SCNN1D: variants seen among roughly 807,000 people sequenced by gnomAD.
SCNN1D encodes epithelial sodium channel subunit delta.
In SCNN1D, 104 loss-of-function variants were observed where a neutral mutation model predicts 87.8. The ratio of observed to expected loss-of-function variants is 1.18; its 90% CI spans 1.01 to 1.39. The LOEUF (loss-of-function observed/expected upper bound fraction) is 1.39, where lower values mean the gene tolerates loss of function less well. Ranked by LOEUF, SCNN1D falls within the 40% of genes most tolerant of loss-of-function variation. SCNN1D has a pLI of 0.00. For missense variants in SCNN1D, 1,324 were observed against 1,093.9 expected (o/e 1.21, Z -2.97); for synonymous variants, 628 against 481.2 (o/e 1.31, Z -3.99).
At position 1,283,988 on chromosome 1, in the gene SCNN1D, G is replaced by A. The variant is rs980187583; in HGVS notation, c.362G>A (p.Gly121Asp). The A allele has an allele frequency of 2.1e-5, 31 of 1,453,734 alleles. No individual in the cohort carries two copies. Among genetic ancestry groups the A allele is most frequent in the Non-Finnish European group, 2.8e-5 (31 of 1,107,060 alleles). 90.1% of individuals were successfully genotyped at this position (1,453,734 alleles called of 1,614,324 possible). ...GCCTGTTTTAAATAGGAGGCCAGAG[G>A]CTCCATCCTGCTTCAGAGCTGCCAG... ...ASFQSRQEAR[G>D]SILLQSCQLP... Residue 121 changes from glycine to aspartate, a missense_variant, in exon 5 of 18, where the codon GGC (glycine) becomes GAC (aspartate). Coordinates refer to ENST00000379116, the MANE Select transcript of SCNN1D (RefSeq NM_001130413.4).
At chr1:1,282,015 G>A (rs561134182) in intron 3 of SCNN1D, 67 of 589,750 alleles carry the variant, frequency 1.1e-4, no homozygotes, top group South Asian at 8.0e-4. Context: ...CGGCAGGTGC[G>A]GCCCACGCAC....
rs751746595 is a variant in SCNN1D at position 1,287,607 on chromosome 1, G to T, written c.1399+11G>T. 5 of 1,607,178 alleles carry T rather than the reference G, an allele frequency of 3.1e-6. No homozygotes were observed. In the Admixed American group the frequency reaches 8.4e-5, roughly 27 times the overall value. ...CCGGCATCACCCACGGTGGGTGCCAGCCCCTGGCCGGTGCGGGGGCAGGGG... is the reference window on the plus strand; with the variant it reads ...CCGGCATCACCCACGGTGGGTGCCATCCCCTGGCCGGTGCGGGGGCAGGGG... On this transcript the variant is annotated intron_variant, in intron 10 of 17. Coordinates refer to ENST00000379116, the MANE Select transcript of SCNN1D (RefSeq NM_001130413.4).
At position 1,290,618 on chromosome 1, in the gene SCNN1D, A is replaced by G. The variant is rs757587732; in HGVS notation, c.1860-19A>G. 50 of 1,612,512 alleles carry G rather than the reference A, an allele frequency of 3.1e-5. No homozygotes were observed. Among genetic ancestry groups the G allele is most frequent in the Non-Finnish European group, 4.1e-5 (48 of 1,179,886 alleles). Reference sequence around the variant, plus strand: ...TGCCCCAGGTAGCGTGGCAGGTGACACCCGGCTGTCTCTTCCAGGGAGTCT... The same window carrying G: ...TGCCCCAGGTAGCGTGGCAGGTGACGCCCGGCTGTCTCTTCCAGGGAGTCT... On this transcript the variant is annotated intron_variant, in intron 14 of 17. Transcript: ENST00000379116.
intron 12 of SCNN1D, among the ~76,000 whole-genome samples, chr1:1,289,812 T>C (rs865830918): frequency 1.0e-4 from 1 of 9,716 alleles, no homozygotes; most frequent in Non-Finnish European, 1.6e-4. Flanking sequence ...GTCCCGTGTC[T>C]CTGCTCCGTC....
Position 1,281,416 on chromosome 1 carries a change from C to A in SCNN1D, c.83C>A (p.Thr28Asn). 6.6e-7 allele frequency: 1 copy of A among 1,522,076 alleles called. No homozygotes were observed. Among genetic ancestry groups the A allele is most frequent in the South Asian group, 1.2e-5 (1 of 82,286 alleles). The allele number at this position is 1,522,076 out of a possible 1,614,324, so 94.3% of individuals were successfully genotyped here. A position where few individuals can be genotyped will look rare whatever the true frequency, so the allele number is the denominator to read the frequency against. Residue 28 changes from threonine (T) to asparagine (N), a missense_variant, in exon 3 of 18, where the codon ACC becomes AAC. Coordinates refer to ENST00000379116, the MANE Select transcript of SCNN1D (RefSeq NM_001130413.4). ...CCGTCCCTTCTCTCATTCAGGCTCACCTGGTCATGGTGCAGTGACCACAGG... is the reference window on the plus strand; with the variant it reads ...CCGTCCCTTCTCTCATTCAGGCTCAACTGGTCATGGTGCAGTGACCACAGG... ...PGHLSGPRRL[T>N]WSWCSDHRTP... is the part of the protein sequence containing the mutation.
chr1:1,291,382 C>T lies in SCNN1D; in HGVS notation c.2181C>T (p.Arg727=), dbSNP rs1270276577. Residue 727 remains arginine (R), a synonymous_variant, in exon 18 of 18, where the codon CGC becomes CGT. Coordinates refer to ENST00000379116, the MANE Select transcript of SCNN1D (RefSeq NM_001130413.4). ...CCCTCACCCTGGTGCTAGGCGGCCG[C>T]CGGCTCCGCAGGGCGTGGTTCTCCT... ...ASALTLVLGG[R]RLRRAWFSWP... 1.4e-5 allele frequency: 22 copies of T among 1,608,664 alleles called. No individual in the cohort carries two copies. The highest frequency in any genetic ancestry group is 1.8e-5 in the Non-Finnish European group (21 of 1,178,660).
Position 1,281,312 on chromosome 1 carries a change from A to G in SCNN1D, c.77+15A>G. ...GGCCCAAGGAGGTGAGCTCACAGCC[A>G]TGCTCGGTCAATGGGGCCTGGCCGT... On this transcript the variant is annotated intron_variant, in intron 2 of 17. Transcript: ENST00000379116. The G allele has an allele frequency of 6.5e-7, 1 of 1,535,742 alleles. No homozygotes were observed. The highest frequency in any genetic ancestry group is 8.7e-7 in the Non-Finnish European group (1 of 1,146,746).
At position 1,290,525 on chromosome 1, in the gene SCNN1D, C is replaced by T; in HGVS notation, c.1829C>T (p.Pro610Leu). Residue 610 changes from proline (P) to leucine (L), a missense_variant, in exon 14 of 18, where the codon CCC (proline) becomes CTC (leucine). Coordinates refer to ENST00000379116, the MANE Select transcript of SCNN1D (RefSeq NM_001130413.4). Reference protein sequence around the residue: ...LYQDLETHRLPCTSRCPRPCR... With the variant: ...LYQDLETHRLLCTSRCPRPCR... ...CAGGACCTGGAGACCCACCGGCTCC[C>T]CTGTACCTCCCGCTGCCCCAGGCCC... 1.2e-6 allele frequency: 2 copies of T among 1,612,670 alleles called. No individual in the cohort carries two copies. The highest frequency in any genetic ancestry group is 1.7e-6 in the Non-Finnish European group (2 of 1,179,926).
In SCNN1D at chr1:1,282,320, G is replaced by T. The variant is rs1640486107; in HGVS notation, c.351+5G>T. ...GCTTCCTTCCAGAGCCGGCAGGCAG[G>T]TGACCTCACCCTCCTCAGAGCCATG... On this transcript the variant is annotated splice_donor_5th_base_variant and intron_variant, in intron 4 of 17. Coordinates refer to ENST00000379116, the MANE Select transcript of SCNN1D (RefSeq NM_001130413.4). The T allele has an allele frequency of 4.5e-6, 7 of 1,550,122 alleles. No homozygotes were observed. The South Asian group carries it at 8.3e-5, about 18-fold the overall frequency.
Position 1,290,574 on chromosome 1 carries a change from G to T in SCNN1D, c.1859+19G>T. The T allele has an allele frequency of 6.2e-7, 1 of 1,612,594 alleles. No homozygotes were observed. Among genetic ancestry groups the T allele is most frequent in the Non-Finnish European group, 8.5e-7 (1 of 1,179,896 alleles). On this transcript the variant is annotated intron_variant, in intron 14 of 17. Transcript: ENST00000379116. ...CCTGCAGGTGAGACGGGGGTGTTGG[G>T]GTCGCGGCCAGGGATCATTGCCCCA... is the stretch of plus-strand genomic sequence containing the variant.
rs1384091620 is a variant in SCNN1D, at chr1:1,287,969, G to A, written c.1594G>A (p.Gly532Ser). 1.2e-5 allele frequency: 18 copies of A among 1,547,142 alleles called. No individual in the cohort carries two copies. The highest frequency in any genetic ancestry group is 1.7e-4 in the Middle Eastern group (1 of 5,974). ...GGTGCACCGGCTCGGGAGCCCCTAC[G>A]GCCACTGCACCGCCGGCGGGGAAGG... Reference protein sequence around the residue: ...DEVHRLGSPYGHCTAGGEGVE... With the variant: ...DEVHRLGSPYSHCTAGGEGVE... Residue 532 changes from glycine to serine, a missense_variant, in exon 12 of 18, where the codon GGC becomes AGC. Gly to Ser is a moderately conservative substitution (Grantham distance 56). Transcript: ENST00000379116.
intron 12 of SCNN1D, among the ~76,000 whole-genome samples, chr1:1,288,518 TCC>T (rs1363185133): frequency 9.6e-6 from 1 of 103,816 alleles, no homozygotes; most frequent in Non-Finnish European, 1.8e-5. Context: ...CCGTCCCGTG[TCC>T]CTGCTCCGTC....
Position 1,291,152 on chromosome 1 carries a change from C to A in SCNN1D, c.2052+12C>A. ...CGCCCGTGTACTCGGTGAGCCTTGG[C>A]CCCCTGCCTGGGCTAGAGCGGGGGC... is the stretch of plus-strand genomic sequence containing the variant. On this transcript the variant is annotated intron_variant, in intron 17 of 17. Transcript: ENST00000379116. 3.1e-6 allele frequency: 5 copies of A among 1,610,228 alleles called. No homozygotes were observed. The Middle Eastern group carries it at 6.7e-4, about 215-fold the overall frequency.
intron 9 of SCNN1D, 49 bp downstream of exon 9, chr1:1,287,348 G>A (rs371174264): frequency 2.6e-5 from 40 of 1,515,040 alleles, no homozygotes; most frequent in Middle Eastern, 1.8e-4. Context: ...CCCACAGAGC[G>A]TGGCCGCACC....
intron 12 of SCNN1D, among the ~76,000 whole-genome samples, chr1:1,288,288 C>T (rs1209973786): frequency 2.1e-5 from 2 of 94,912 alleles, no homozygotes; most frequent in Non-Finnish European, 1.7e-5. Context: ...CGAGTCTCTG[C>T]TCCGTCCCGT....
rs753033929 is a variant in SCNN1D at position 1,290,368 on chromosome 1, C to G, written c.1760C>G (p.Ser587Cys). The change falls in exon 13 of 18, where the codon TCT (serine) becomes TGT (cysteine). Residue 587 changes from serine to cysteine, a missense_variant. Transcript: ENST00000379116. ...CCGGCGGGGGCTGAGTACTGCAGCT[C>G]TGCCCGGCACCCTGCCTGGGGTGAG... is the stretch of plus-strand genomic sequence containing the variant. Reference protein sequence around the residue: ...PLPAGAEYCSSARHPAWGHCF... With the variant: ...PLPAGAEYCSCARHPAWGHCF... 9 of 1,600,578 alleles carry G rather than the reference C, an allele frequency of 5.6e-6. No homozygotes were observed. Among genetic ancestry groups the G allele is most frequent in the Admixed American group, 3.4e-5 (2 of 59,458 alleles).
chr1:1,285,441 C>T (rs368662588), intron 5 of SCNN1D, 130 bp from the exon 6 acceptor site: 21 of 613,092 alleles, frequency 3.4e-5, no homozygotes, highest in African/African-American at 3.0e-4. Context: ...CTGGCACAGT[C>T]GGTCCTCAGC....
At chr1:1,283,782 C>A (rs568006128) in intron 4 of SCNN1D, among the ~76,000 whole-genome samples, 196 bp from the exon 5 acceptor site, 1 of 151,896 alleles carries the variant, frequency 6.6e-6, no homozygotes, top group Non-Finnish European at 1.5e-5. Context: ...GGCTGCAGCC[C>A]CTTACTCTCA....
At chr1:1,290,418 T>C in intron 13 of SCNN1D, 30 bp downstream of exon 13, 6 of 1,609,708 alleles carry the variant, frequency 3.7e-6, no homozygotes, top group Non-Finnish European at 5.1e-6. Context: ...TCCCACTCTG[T>C]CAGCCATTAG....
Sources: allele counts gnomAD v4.1 joint callset (sites outside exome capture counted in the v4.1 genomes callset), GRCh38; gene constraint gnomAD v4.1.1; transcripts MANE v1.5; gene names NCBI Gene and HGNC (gene_info 2026-07-23, HGNC 2026-07-21).